Variants in FAM107A observed in about 807,000 individuals in gnomAD.
FAM107A encodes actin-associated protein FAM107A.
Under a neutral mutation model 13.7 loss-of-function variants are expected in FAM107A, and 19 were observed. The observed-to-expected ratio is 1.38, with a 90% CI of 0.97 to 2.03. The LOEUF (loss-of-function observed/expected upper bound fraction) is 2.03, where lower values mean the gene tolerates loss of function less well. FAM107A is among the 30% of genes most tolerant of loss of function. The pLI, the probability that FAM107A is intolerant of heterozygous loss-of-function variation, is 0.00. For missense variants in FAM107A, 203 were observed against 184.4 expected (o/e 1.10, Z -0.58); for synonymous variants, 82 against 74.5 (o/e 1.10, Z -0.52).
At chr3:58,607,687 A>C (rs2065809066) in intron 1 of FAM107A, 1 of 152,256 alleles carries the variant, frequency 6.6e-6, no homozygotes, top group Admixed American at 6.5e-5. Flanking sequence ...TGAAGTTAGC[A>C]GCTAGGTAAG....
At chr3:58,598,616 C>T (rs529979814) in intron 1 of FAM107A, among the ~76,000 whole-genome samples, 19 of 152,350 alleles carry the variant, frequency 1.2e-4, no homozygotes, top group African/African-American at 3.8e-4. Context: ...CATAAATCCA[C>T]TGCTACTGTA....
At chr3:58,615,928 T>C (rs2065897326) in intron 1 of FAM107A, among the ~76,000 whole-genome samples, 1 of 146,618 alleles carries the variant, frequency 6.8e-6, no homozygotes, top group African/African-American at 2.5e-5. Flanking sequence ...AAAAAGGACT[T>C]GTCTCTGAGC....
chr3:58,589,505 A>G (rs145749528), upstream of FAM107A, among the ~76,000 whole-genome samples: 14 of 152,240 alleles, frequency 9.2e-5, no homozygotes, highest in East Asian at 2.7e-3. Flanking sequence ...TAAAAAATAA[A>G]CTTTATTATT....
Position 58,599,027 on chromosome 3 carries a change from C to T in FAM107A, c.-69-9758G>A, listed in dbSNP as rs75889445. 1.2e-3 allele frequency among the ~76,000 whole-genome samples: 185 copies of T among 152,170 alleles called. No individual in the cohort carries two copies. In the East Asian group the frequency reaches 0.029, roughly 23 times the overall value. On this transcript the variant is annotated intron_variant, in intron 1 of 3. Coordinates refer to the FAM107A transcript ENST00000465970. ...TGGGATCTCGGCTCACTGTGACCTCCGCCTCCCAGGTTCAAGCAATTCTCC... is the reference window on the plus strand; with the variant it reads ...TGGGATCTCGGCTCACTGTGACCTCTGCCTCCCAGGTTCAAGCAATTCTCC...
chr3:58,604,662 A>C lies in FAM107A; in HGVS notation c.-69-15393T>G, dbSNP rs2108073260. 6.6e-6 allele frequency among the ~76,000 whole-genome samples: 1 copy of C among 152,250 alleles called. No individual in the cohort carries two copies. Among genetic ancestry groups the C allele is most frequent in the South Asian group, 2.1e-4 (1 of 4,832 alleles). Reference sequence around the variant, plus strand: ...TGTGTTTCAAAGATTTTGGGGAATAAATTATTACTTTGCTCACACGGAGAT... The same window carrying C: ...TGTGTTTCAAAGATTTTGGGGAATACATTATTACTTTGCTCACACGGAGAT... On this transcript the variant is annotated intron_variant, in intron 1 of 3. Coordinates refer to the FAM107A transcript ENST00000465970. The surrounding 1 kb of genome is among the most constrained non-coding windows in gnomAD (Gnocchi z 4.1).
chr3:58,567,000 T>C lies in FAM107A; in HGVS notation c.327+208A>G, dbSNP rs578188446. On this transcript the variant is annotated intron_variant, in intron 3 of 3. Coordinates refer to ENST00000360997, the MANE Select transcript of FAM107A (RefSeq NM_001076778.3). ...ATCAGCATGCAGTACACTGGGCCAGTGAGGAAGCTGAGGTTCAGGGAAGCC... is the reference window on the plus strand; with the variant it reads ...ATCAGCATGCAGTACACTGGGCCAGCGAGGAAGCTGAGGTTCAGGGAAGCC... 7.9e-6 allele frequency: 5 copies of C among 632,162 alleles called. No homozygotes were observed. In the East Asian group the frequency reaches 1.1e-4, roughly 14 times the overall value. The allele number at this position is 632,162 out of a possible 1,614,324, so 39.2% of individuals were successfully genotyped here. A position where few individuals can be genotyped will look rare whatever the true frequency, so the allele number is the denominator to read the frequency against.
At chr3:58,594,835 A>T (rs972424996) in intron 1 of FAM107A, among the ~76,000 whole-genome samples, 1 of 152,164 alleles carries the variant, frequency 6.6e-6, no homozygotes, top group African/African-American at 2.4e-5. Context: ...ACACAAAAAA[A>T]CTCAAGGATA....
chr3:58,589,935 A>G (rs1331418976), upstream of FAM107A, among the ~76,000 whole-genome samples: 1 of 152,094 alleles, frequency 6.6e-6, no homozygotes, highest in Non-Finnish European at 1.5e-5. Context: ...CCTTCTTCTT[A>G]CCTTCCTGGC....
chr3:58,593,896 A>G (rs1364864601), intron 1 of FAM107A, among the ~76,000 whole-genome samples: 2 of 152,134 alleles, frequency 1.3e-5, no homozygotes, highest in Non-Finnish European at 2.9e-5. Context: ...AACTGCCCAG[A>G]CATTTCGCAC....
upstream of FAM107A, among the ~76,000 whole-genome samples, chr3:58,587,970 C>T (rs1205003104): frequency 2.0e-5 from 3 of 152,160 alleles, no homozygotes; most frequent in Non-Finnish European, 4.4e-5. Context: ...TCTGAAGTCA[C>T]ACAGTGTAGG....
intron 2 of FAM107A, 128 bp from the exon 3 acceptor site, chr3:58,567,492 G>A (rs2063634879): frequency 9.4e-7 from 1 of 1,059,578 alleles, no homozygotes; most frequent in East Asian, 2.6e-5. Context: ...AGCCTTGGAG[G>A]TGGACCCATT....
intron 1 of FAM107A, among the ~76,000 whole-genome samples, chr3:58,621,541 C>G (rs962433307): frequency 3.9e-5 from 6 of 152,216 alleles, no homozygotes; most frequent in Non-Finnish European, 7.3e-5. Flanking sequence ...GCAAACCTCT[C>G]TGTTCCCAGA....
At chr3:58,626,490 G>A (rs761051814) in intron 1 of FAM107A, among the ~76,000 whole-genome samples, 2 of 152,184 alleles carry the variant, frequency 1.3e-5, no homozygotes, top group African/African-American at 2.4e-5. Flanking sequence ...TTTTCACAAT[G>A]ATTTTCCAAG....
intron 1 of FAM107A, among the ~76,000 whole-genome samples, chr3:58,621,557 A>G (rs1008362358): frequency 2.0e-5 from 3 of 152,156 alleles, no homozygotes; most frequent in African/African-American, 7.2e-5. Context: ...CCAGATGGGG[A>G]CACTGAGACC....
chr3:58,567,980 A>T (rs1182018880), intron 2 of FAM107A, among the ~76,000 whole-genome samples: 2 of 152,130 alleles, frequency 1.3e-5, no homozygotes, highest in African/African-American at 4.8e-5. Context: ...TCTGTTGCCC[A>T]GGCTGGAGTG....
chr3:58,568,719 A>C (rs1330826895), intron 2 of FAM107A, among the ~76,000 whole-genome samples: 2 of 152,330 alleles, frequency 1.3e-5, no homozygotes, highest in East Asian at 3.9e-4. Flanking sequence ...GAAAACAAGA[A>C]TAGAAATCAC....
Position 58,617,263 on chromosome 3 carries a change from C to T in FAM107A, c.-70+10153G>A, listed in dbSNP as rs1482889705. On this transcript the variant is annotated intron_variant, in intron 1 of 3. Coordinates refer to the FAM107A transcript ENST00000465970. The surrounding 1 kb of genome is among the most constrained non-coding windows in gnomAD (Gnocchi z 4.5). Reference sequence around the variant, plus strand: ...ATCATACAACTCAGAATGACCCCTACCTGTTCCCAGAGCTCAGGTGGGTGG... The same window carrying T: ...ATCATACAACTCAGAATGACCCCTATCTGTTCCCAGAGCTCAGGTGGGTGG... Among the ~76,000 whole-genome samples the T allele has an allele frequency of 6.6e-6, 1 of 152,158 alleles. No individual in the cohort carries two copies. The highest frequency in any genetic ancestry group is 2.4e-5 in the African/African-American group (1 of 41,426).
At chr3:58,574,104 T>TAAAC (rs903472321) in intron 1 of FAM107A, 15 of 152,314 alleles carry the variant, frequency 9.8e-5, no homozygotes, top group African/African-American at 3.1e-4. Flanking sequence ...TCCTATAGAT[T>TAAAC]AAACTGTGAA....
At position 58,569,836 on chromosome 3, in the gene FAM107A, G is replaced by T; in HGVS notation, c.25C>A (p.Arg9=). 6.2e-7 allele frequency: 1 copy of T among 1,613,954 alleles called. No individual in the cohort carries two copies. Among genetic ancestry groups the T allele is most frequent in the Non-Finnish European group, 8.5e-7 (1 of 1,179,948 alleles). The part of the protein sequence containing the change: MYSEIQRE[R]ADIGGLMARP... ...GCCATCAGGCCCCCAATGTCTGCCC[G>T]CTCCCTCTGGATCTCCGAGTACATG... The change falls in exon 2 of 4, where the codon CGG becomes AGG. Residue 9 remains arginine (R), a synonymous_variant. Transcript: ENST00000360997. The surrounding 1 kb of genome is among the most constrained non-coding windows in gnomAD (Gnocchi z 5.7).
Sources: allele counts gnomAD v4.1 joint callset (sites outside exome capture counted in the v4.1 genomes callset), GRCh38; gene constraint gnomAD v4.1.1; non-coding constraint Gnocchi (gnomAD v3.1); transcripts MANE v1.5; gene names NCBI Gene and HGNC (gene_info 2026-07-23, HGNC 2026-07-21).